Variants in ARHGEF10L observed in about 807,000 individuals in gnomAD.
ARHGEF10L encodes the protein rho guanine nucleotide exchange factor 10-like protein.
ARHGEF10L carries 69 observed loss-of-function variants against 141.2 expected under a neutral mutation model. The ratio of observed to expected loss-of-function variants is 0.49; its 90% CI spans 0.40 to 0.60. ARHGEF10L has a LOEUF of 0.60. Ranked by LOEUF, ARHGEF10L falls within the 20% of genes least tolerant of loss-of-function variation. ARHGEF10L has a pLI of 0.00. For missense variants in ARHGEF10L, 1,482 were observed against 1,734.3 expected, an observed-to-expected ratio of 0.85 and a Z score of 2.58; for synonymous variants, 711 against 718.5, an observed-to-expected ratio of 0.99 and a Z score of 0.17.
chr1:17,600,353 C>T (rs758323692), intron 4 of ARHGEF10L, among the ~76,000 whole-genome samples: 2 of 152,242 alleles, frequency 1.3e-5, no homozygotes, highest in Admixed American at 6.5e-5. Context: ...GTTCTCTTGA[C>T]AGTCTAAGGC....
intron 13 of ARHGEF10L, among the ~76,000 whole-genome samples, chr1:17,624,799 G>T (rs964153664): frequency 1.3e-5 from 2 of 152,358 alleles, no homozygotes; most frequent in Admixed American, 6.5e-5. Flanking sequence ...GAGTGGGTGG[G>T]TCTGCCTGGC....
At chr1:17,542,572 A>G (rs755550083) in intron 1 of ARHGEF10L, among the ~76,000 whole-genome samples, 6 of 152,250 alleles carry the variant, frequency 3.9e-5, no homozygotes, top group African/African-American at 7.2e-5. Context: ...CCTCTTACAC[A>G]CTGAGAAGGA....
At chr1:17,606,456 G>T (rs954706044) in intron 6 of ARHGEF10L, among the ~76,000 whole-genome samples, 2 of 151,816 alleles carry the variant, frequency 1.3e-5, no homozygotes, top group African/African-American at 4.8e-5. Context: ...ACCACACCCG[G>T]CTAGTTTTTG....
chr1:17,563,263 C>A (rs2077617073), intron 1 of ARHGEF10L, among the ~76,000 whole-genome samples: 1 of 148,472 alleles, frequency 6.7e-6, no homozygotes. Context: ...GAGACAGGGT[C>A]TCGTTCCATT....
rs140442816 is a variant in ARHGEF10L at position 17,648,842 on chromosome 1, G to A, written c.2394+167G>A. 1.3e-3 allele frequency among the ~76,000 whole-genome samples: 203 copies of A among 152,314 alleles called. 1 individual carries two copies. Among genetic ancestry groups the A allele is most frequent in the Admixed American group, 2.3e-3 (35 of 15,304 alleles). On this transcript the variant is annotated intron_variant, in intron 22 of 28. Transcript: ENST00000361221. ...TTTGGTCAAGCCTTTTTGTTGCTTC[G>A]GGAATCAGCTTTCCCACCACAAAAA...
intron 1 of ARHGEF10L, among the ~76,000 whole-genome samples, chr1:17,548,646 CTTTTTT>C (rs892480738): frequency 3.4e-5 from 3 of 88,292 alleles, no homozygotes; most frequent in Non-Finnish European, 6.4e-5. Context: ...CAAAATAATT[CTTTTTT>C]TTTTTTTTTT....
At chr1:17,632,262 G>A (rs1043150016) in intron 15 of ARHGEF10L, 59 bp from the exon 16 acceptor site, 29 of 1,600,356 alleles carry the variant, frequency 1.8e-5, no homozygotes, top group Admixed American at 1.7e-4. Context: ...CTGGGTCTCC[G>A]GCGCGGTAAA....
In ARHGEF10L at chr1:17,697,263, C is replaced by G; in HGVS notation, c.3723C>G (p.Ile1241Met). ...AGGAGATTTGCTCTGTGGCCATCAT[C>G]TCCGGCGGGCAGGGCTACCGCAACT... Reference protein sequence around the residue: ...HRKEICSVAIISGGQGYRNFG... With the variant: ...HRKEICSVAIMSGGQGYRNFG... Residue 1241 changes from isoleucine to methionine, a missense_variant, in exon 29 of 29, where the codon ATC (isoleucine) becomes ATG (methionine). This residue lies in a region of ARHGEF10L where 858 missense variants were observed against 966.3 expected (regional missense o/e 0.89). Transcript: ENST00000361221. This position sits in a 1 kb window ranked among gnomAD's most constrained non-coding sequence, Gnocchi z 4.8. The G allele has an allele frequency of 6.2e-7, 1 of 1,612,752 alleles. No homozygotes were observed.
rs1571166835 is a variant in ARHGEF10L, at chr1:17,639,121, T to G, written c.2171+432T>G. ...GGAGCTGTGCACAGTAGACCCCAAC[T>G]GAGGTTTGTGGAACTGATGACAGCC... is the stretch of plus-strand genomic sequence containing the variant. On this transcript the variant is annotated intron_variant, in intron 20 of 28. Transcript: ENST00000361221. The surrounding 1 kb of genome is among the most constrained non-coding windows in gnomAD (Gnocchi z 4.3). Among the ~76,000 whole-genome samples the G allele has an allele frequency of 6.6e-6, 1 of 152,122 alleles. No homozygotes were observed. Among genetic ancestry groups the G allele is most frequent in the African/African-American group, 2.4e-5 (1 of 41,416 alleles).
chr1:17,616,660 T>C (rs1374717390), intron 9 of ARHGEF10L, among the ~76,000 whole-genome samples: 1 of 152,198 alleles, frequency 6.6e-6, no homozygotes, highest in East Asian at 1.9e-4. Flanking sequence ...TGGGGCCAGC[T>C]GTTGGCACAG....
intron 26 of ARHGEF10L, among the ~76,000 whole-genome samples, chr1:17,669,698 G>A (rs1473696962): frequency 5.9e-5 from 9 of 152,194 alleles, no homozygotes; most frequent in Admixed American, 1.3e-4. Flanking sequence ...CACGCCTTCC[G>A]GGCCGAGGAC....
At chr1:17,648,404 C>G (rs2061719115) in intron 21 of ARHGEF10L, 150 bp from the exon 22 acceptor site, 1 of 998,252 alleles carries the variant, frequency 1.0e-6, no homozygotes, top group Non-Finnish European at 1.4e-6. Context: ...TGGATTTCAT[C>G]TCAGTCCGGC....
In ARHGEF10L at chr1:17,670,635, G is replaced by A. The variant is rs557393861; in HGVS notation, c.3009+6040G>A. On this transcript the variant is annotated intron_variant, in intron 26 of 28. Coordinates refer to ENST00000361221, the MANE Select transcript of ARHGEF10L (RefSeq NM_018125.4). ...GCTCCCTGACAAGGTGTGAGCTGGC[G>A]TCTCTGCCACCCTGGCTTGTGGGAG... is the stretch of plus-strand genomic sequence containing the variant. 1.5e-4 allele frequency among the ~76,000 whole-genome samples: 23 copies of A among 152,378 alleles called. No individual in the cohort carries two copies. The East Asian group carries it at 2.5e-3, about 17-fold the overall frequency.
chr1:17,523,211 A>T, the ARHGEF10L span, among the ~76,000 whole-genome samples: 1 of 149,406 alleles, frequency 6.7e-6, no homozygotes, highest in African/African-American at 2.5e-5. Flanking sequence ...TCAGCCTCCC[A>T]AGTAGCTGGG....
chr1:17,642,108 A>G (rs1407122397), intron 21 of ARHGEF10L, among the ~76,000 whole-genome samples: 1 of 152,218 alleles, frequency 6.6e-6, no homozygotes, highest in Non-Finnish European at 1.5e-5. Context: ...ACAAAAACAG[A>G]GAGATCTCTG....
rs770951890 is a variant in ARHGEF10L, at chr1:17,695,029, C to CCCA, written c.3185-126_3185-124dup. The stretch of plus-strand genomic sequence containing the variant: ...CTCCAAAGCCCCAGCTCTTCCCCAC[C>CCCA]CCACCGCCCAACTTCTTGCTGGTTT... On this transcript the variant is annotated intron_variant, in intron 27 of 28. Coordinates refer to ENST00000361221, the MANE Select transcript of ARHGEF10L (RefSeq NM_018125.4). The CCCA allele has an allele frequency of 2.1e-6, 3 of 1,404,482 alleles. No individual in the cohort carries two copies. The South Asian group carries it at 3.5e-5, about 16-fold the overall frequency. 87.0% of individuals were successfully genotyped at this position (1,404,482 alleles called of 1,614,324 possible).
In ARHGEF10L at chr1:17,607,701, C is replaced by T; in HGVS notation, c.434-101C>T. The T allele has an allele frequency of 6.4e-6, 8 of 1,254,490 alleles. No individual in the cohort carries two copies. The highest frequency in any genetic ancestry group is 8.3e-6 in the Non-Finnish European group (8 of 960,396). 77.7% of individuals were successfully genotyped at this position (1,254,490 alleles called of 1,614,324 possible). A position where few individuals can be genotyped will look rare whatever the true frequency, so the allele number is the denominator to read the frequency against. ...CCAGGGCCCCCATGTTCTCCCTGAC[C>T]CCCCCTCGCCCCACCTGGGTTCAGA... On this transcript the variant is annotated intron_variant, in intron 6 of 28. Transcript: ENST00000361221. The surrounding 1 kb of genome is among the most constrained non-coding windows in gnomAD (Gnocchi z 4.5).
At chr1:17,582,342 C>T (rs1046659505) in intron 2 of ARHGEF10L, among the ~76,000 whole-genome samples, 2 of 152,176 alleles carry the variant, frequency 1.3e-5, no homozygotes, top group African/African-American at 4.8e-5. Context: ...CAATTCTGTT[C>T]TGTTCAGCAA....
chr1:17,670,748 G>A (rs2063270165), intron 26 of ARHGEF10L, among the ~76,000 whole-genome samples: 1 of 152,244 alleles, frequency 6.6e-6, no homozygotes, highest in South Asian at 2.1e-4. Context: ...ACGCTGAGGA[G>A]TGACCCGCTG....
Sources: allele counts gnomAD v4.1 joint callset (sites outside exome capture counted in the v4.1 genomes callset), GRCh38; gene constraint gnomAD v4.1.1; regional missense constraint gnomAD v4.1.1; non-coding constraint Gnocchi (gnomAD v3.1); transcripts MANE v1.5; gene names NCBI Gene and HGNC (gene_info 2026-07-23, HGNC 2026-07-21).